ASIC1: variants seen among roughly 807,000 people sequenced by gnomAD.
The protein encoded by ASIC1 is acid sensing ion channel subunit 1.
In ASIC1, 21 loss-of-function variants were observed where a neutral mutation model predicts 63.4. The ratio of observed to expected loss-of-function variants is 0.33; its 90% CI spans 0.23 to 0.48. The LOEUF (loss-of-function observed/expected upper bound fraction) is 0.48. Among genes scored for constraint, ASIC1 ranks in the 20% least tolerant of loss-of-function variants. ASIC1 has a pLI of 0.99. For missense variants in ASIC1, 478 were observed against 695.5 expected, an observed-to-expected ratio of 0.69 and a Z score of 3.52; for synonymous variants, 258 against 278.2, an observed-to-expected ratio of 0.93 and a Z score of 0.72.
chr12:50,079,342 A>AG (rs1327136380), intron 7 of ASIC1, among the ~76,000 whole-genome samples: 1 of 152,216 alleles, frequency 6.6e-6, no homozygotes, highest in Non-Finnish European at 1.5e-5. Flanking sequence ...TGAACCGGGG[A>AG]GGTGAGGTTG....
rs549491896 is a variant in ASIC1 at position 50,077,937 on chromosome 12, C to T, written c.710-63C>T. 44 of 1,550,048 alleles carry T rather than the reference C, an allele frequency of 2.8e-5. No homozygotes were observed. In the South Asian group the frequency reaches 5.1e-4, roughly 18 times the overall value. ...ATTTCCAGGAGAGGTAGGATGCCCC[C>T]AGGTCTGAGGGGTGTTAGGGAGTCA... On this transcript the variant is annotated intron_variant, in intron 4 of 11. Transcript: ENST00000447966.
Position 50,078,920 on chromosome 12 carries a change from G to C in ASIC1, c.995-4G>C, listed in dbSNP as rs376243221. 1.1e-5 allele frequency: 17 copies of C among 1,613,744 alleles called. No homozygotes were observed. Among genetic ancestry groups the C allele is most frequent in the Non-Finnish European group, 1.3e-5 (15 of 1,179,816 alleles). Reference sequence around the variant, plus strand: ...CCTGCATCATTGTCTTTTCTCCTCTGTAGGGGATGCCCCATACTGTACTCC... The same window carrying C: ...CCTGCATCATTGTCTTTTCTCCTCTCTAGGGGATGCCCCATACTGTACTCC... On this transcript the variant is annotated splice_polypyrimidine_tract_variant and splice_region_variant and intron_variant, in intron 6 of 11. Coordinates refer to ENST00000447966, the MANE Select transcript of ASIC1 (RefSeq NM_001095.4). This position sits in a 1 kb window ranked among gnomAD's most constrained non-coding sequence, Gnocchi z 6.0.
At chr12:50,072,522 G>A (rs1950610001) in intron 3 of ASIC1, among the ~76,000 whole-genome samples, 1 of 152,124 alleles carries the variant, frequency 6.6e-6, no homozygotes, top group Non-Finnish European at 1.5e-5. Flanking sequence ...GTTTTGGTGG[G>A]AACCCCAAGT....
rs1950724723 is a variant in ASIC1 at position 50,081,878 on chromosome 12, CG to C, written c.*233del. ...CTAAAAAAGAACTAAAAAGGGAGAA[CG>C]GGGCAAGGGACCTCAGGCTGCCCCT... On this transcript the variant is annotated 3_prime_UTR_variant, in exon 12 of 12. Coordinates refer to ENST00000447966, the MANE Select transcript of ASIC1 (RefSeq NM_001095.4). 4 of 556,030 alleles carry C rather than the reference CG, an allele frequency of 7.2e-6. No homozygotes were observed. The South Asian group carries it at 8.6e-5, about 12-fold the overall frequency. 34.4% of individuals were successfully genotyped at this position (556,030 alleles called of 1,614,324 possible).
At chr12:50,079,464 T>A (rs1950692577) in intron 7 of ASIC1, among the ~76,000 whole-genome samples, 2 of 152,094 alleles carry the variant, frequency 1.3e-5, no homozygotes, top group Admixed American at 6.5e-5. Context: ...CAGAGGCCCC[T>A]ATGAAAAATG....
At chr12:50,073,642 C>T (rs1290491832) in intron 3 of ASIC1, 1 of 1,536,036 alleles carries the variant, frequency 6.5e-7, no homozygotes, top group Non-Finnish European at 8.7e-7. Context: ...AGCCCCAGGG[C>T]CCTTGGGAGA....
chr12:50,069,292 A>ATTTATTTAT (rs869298424), intron 3 of ASIC1, among the ~76,000 whole-genome samples: 2 of 144,476 alleles, frequency 1.4e-5, no homozygotes, highest in African/African-American at 5.3e-5. Flanking sequence ...TTATTTATTT[A>ATTTATTTAT]TTATTTAATT....
intron 3 of ASIC1, among the ~76,000 whole-genome samples, chr12:50,066,246 T>A (rs1297668299): frequency 6.6e-6 from 1 of 152,158 alleles, no homozygotes; most frequent in Non-Finnish European, 1.5e-5. Flanking sequence ...ATTGGAAAGA[T>A]GGGAAAACTG....
intron 3 of ASIC1, among the ~76,000 whole-genome samples, chr12:50,065,149 A>G (rs1458866236): frequency 6.6e-6 from 1 of 152,166 alleles, no homozygotes; most frequent in Non-Finnish European, 1.5e-5. Context: ...CTCTCCGGCC[A>G]TTCTTCCGCC....
intron 9 of ASIC1, 73 bp from the exon 10 acceptor site, chr12:50,081,029 C>A: frequency 7.4e-7 from 1 of 1,348,680 alleles, no homozygotes; most frequent in South Asian, 1.3e-5. Flanking sequence ...ACTTGCCTGC[C>A]CCAGTCCCAG....
chr12:50,080,715 C>T (rs750289790), intron 9 of ASIC1, 126 bp downstream of exon 9: 2 of 1,613,478 alleles, frequency 1.2e-6, no homozygotes, highest in Non-Finnish European at 1.7e-6. Context: ...CTTCCCCAAA[C>T]CCTGTTGTCT....
At position 50,071,622 on chromosome 12, in the gene ASIC1, G is replaced by A. The variant is rs543618198; in HGVS notation, c.559-5591G>A. Among the ~76,000 whole-genome samples the A allele has an allele frequency of 3.3e-5, 5 of 151,986 alleles. No individual in the cohort carries two copies. The East Asian group carries it at 5.8e-4, about 18-fold the overall frequency. On this transcript the variant is annotated intron_variant, in intron 3 of 11. Transcript: ENST00000447966. ...GGGCTACAAGAGAGGACTAAATTTT[G>A]CCAGGAGGCAGTGGGGAGTGAGAGA... is the stretch of plus-strand genomic sequence containing the variant.
chr12:50,077,004 A>G lies in ASIC1; in HGVS notation c.559-209A>G, dbSNP rs555736323. 1.6e-5 allele frequency: 13 copies of G among 817,586 alleles called. No individual in the cohort carries two copies. In the Admixed American group the frequency reaches 2.4e-4, roughly 15 times the overall value. 50.6% of individuals were successfully genotyped at this position (817,586 alleles called of 1,614,324 possible). On this transcript the variant is annotated intron_variant, in intron 3 of 11. Transcript: ENST00000447966. The stretch of plus-strand genomic sequence containing the variant: ...GGTGGCAAAGGAGCTCAGGCGATGC[A>G]CCCTACCAGGAACAGTTTTCCAGGG...
chr12:50,058,218 C>G (rs1161559192), intron 1 of ASIC1, among the ~76,000 whole-genome samples: 1 of 152,118 alleles, frequency 6.6e-6, no homozygotes, highest in Admixed American at 6.5e-5. Context: ...TGGAGACACC[C>G]GCAGGTGAGG....
chr12:50,074,273 A>C lies in ASIC1; in HGVS notation c.559-2940A>C. ...AGTGGAGCCCCATGCCTGCCACAGT[A>C]CCCCAAGAGTGTCTGCCATGGCTGT... On this transcript the variant is annotated intron_variant, in intron 3 of 11. Transcript: ENST00000447966. The surrounding 1 kb of genome is among the most constrained non-coding windows in gnomAD (Gnocchi z 4.2). 1 of 1,435,720 alleles carries C rather than the reference A, an allele frequency of 7.0e-7. No individual in the cohort carries two copies. 88.9% of individuals were successfully genotyped at this position (1,435,720 alleles called of 1,614,324 possible). A position where few individuals can be genotyped will look rare whatever the true frequency, so the allele number is the denominator to read the frequency against.
Position 50,059,888 on chromosome 12 carries a change from C to T in ASIC1, c.492C>T (p.Asp164=), listed in dbSNP as rs1158942044. Residue 164 remains aspartate (D), a synonymous_variant, in exon 3 of 12, where the codon GAC becomes GAT. Coordinates refer to ENST00000447966, the MANE Select transcript of ASIC1 (RefSeq NM_001095.4). This position sits in a 1 kb window ranked among gnomAD's most constrained non-coding sequence, Gnocchi z 4.6. ...MREFYDRAGH[D]IRDMLLSCHF... is the part of the protein sequence containing the mutation. ...AGTTCTACGACCGAGCTGGGCACGACATTCGAGACATGCTGCTCTCCTGCC... is the reference window on the plus strand; with the variant it reads ...AGTTCTACGACCGAGCTGGGCACGATATTCGAGACATGCTGCTCTCCTGCC... 3.7e-6 allele frequency: 6 copies of T among 1,614,232 alleles called. No homozygotes were observed. The highest frequency in any genetic ancestry group is 5.1e-6 in the Non-Finnish European group (6 of 1,180,040).
Position 50,081,989 on chromosome 12 carries a change from G to A in ASIC1, c.*340G>A. The stretch of plus-strand genomic sequence containing the variant: ...CCATCTGAGTGTCCATCTACATTCT[G>A]CTGCCACCAGTCACCAAAGGCCCTT... On this transcript the variant is annotated 3_prime_UTR_variant, in exon 12 of 12. Transcript: ENST00000447966. The A allele has an allele frequency of 3.5e-6, 1 of 285,244 alleles. No homozygotes were observed. 17.7% of individuals were successfully genotyped at this position (285,244 alleles called of 1,614,324 possible).
chr12:50,073,738 A>G (rs1463173028), intron 3 of ASIC1: 2 of 1,536,364 alleles, frequency 1.3e-6, no homozygotes, highest in African/African-American at 2.7e-5. Context: ...GGAGGCAGTG[A>G]GGAAGGAGGC....
chr12:50,063,783 GA>G (rs1217497423), intron 3 of ASIC1, among the ~76,000 whole-genome samples: 1 of 152,134 alleles, frequency 6.6e-6, no homozygotes, highest in African/African-American at 2.4e-5. Flanking sequence ...TGGGGAGAGA[GA>G]AGTCATCTTA....
Sources: gnomAD v4.1 joint callset for allele counts (sites outside exome capture counted in the v4.1 genomes callset) on GRCh38, gnomAD v4.1.1 for gene constraint, Gnocchi (gnomAD v3.1) non-coding constraint, MANE v1.5 for transcripts, NCBI Gene and HGNC (gene_info 2026-07-23, HGNC 2026-07-21) for gene names.